Variants in CARS2 observed in about 807,000 individuals in gnomAD.
CARS2 encodes the protein probable cysteine--tRNA ligase, mitochondrial.
Under a neutral mutation model 68.8 loss-of-function variants are expected in CARS2, and 52 were observed. The ratio of observed to expected loss-of-function variants is 0.76; its 90% CI spans 0.61 to 0.95. The LOEUF is 0.95. Ranked by LOEUF, CARS2 falls within the 40% of genes least tolerant of loss-of-function variation. The probability of loss-of-function intolerance (pLI) is 0.00; values close to 1 mark genes in which losing one functional copy is unlikely to be tolerated. For synonymous variants in CARS2, 314 were observed against 303.6 expected (o/e 1.03, Z -0.36); for missense variants, 780 against 754.2 (o/e 1.03, Z -0.40).
At chr13:110,663,610 C>G in intron 8 of CARS2, 92 bp from the exon 9 acceptor site, 2 of 1,552,462 alleles carry the variant, frequency 1.3e-6, no homozygotes, top group Non-Finnish European at 8.7e-7. Flanking sequence ...GAATGGGAAC[C>G]TGCACATATC....
chr13:110,649,667 G>T (rs1325664463), intron 10 of CARS2, among the ~76,000 whole-genome samples: 1 of 152,230 alleles, frequency 6.6e-6, no homozygotes, highest in African/African-American at 2.4e-5. Flanking sequence ...GGACAAGAAG[G>T]GGGAGAGGGA....
intron 3 of CARS2, chr13:110,698,039 C>T (rs1449967264): frequency 2.2e-6 from 1 of 447,774 alleles, no homozygotes; most frequent in Non-Finnish European, 4.5e-6. Flanking sequence ...ATAAACGCCC[C>T]AGCCCAAAGG....
rs761297188 is a variant in CARS2 at position 110,665,932 on chromosome 13, G to A, written c.919+1408C>T. The A allele has an allele frequency of 1.0e-6, 1 of 985,318 alleles. No homozygotes were observed. The highest frequency in any genetic ancestry group is 1.2e-6 in the Non-Finnish European group (1 of 829,876). The allele number at this position is 985,318 out of a possible 1,614,324, so 61.0% of individuals were successfully genotyped here. On this transcript the variant is annotated intron_variant, in intron 8 of 14. Coordinates refer to ENST00000257347, the MANE Select transcript of CARS2 (RefSeq NM_024537.4). The surrounding 1 kb of genome is among the most constrained non-coding windows in gnomAD (Gnocchi z 4.3). ...AATTTCCTGTATTTCAGATGTCAAA[G>A]TTTGCATCTCCAAATCTATCACTAC...
rs1475765813 is a variant in CARS2, at chr13:110,676,130, G to A, written c.785+844C>T. ...GATCGCACCATTGCACTCCAACCTG[G>A]GCAAGAAGAGTGAACCTCCGTCTCA... On this transcript the variant is annotated intron_variant, in intron 7 of 14. Coordinates refer to ENST00000257347, the MANE Select transcript of CARS2 (RefSeq NM_024537.4). This position sits in a 1 kb window ranked among gnomAD's most constrained non-coding sequence, Gnocchi z 4.0. Among the ~76,000 whole-genome samples, 1 of 152,204 alleles carries A rather than the reference G, an allele frequency of 6.6e-6. No individual in the cohort carries two copies. Among genetic ancestry groups the A allele is most frequent in the Admixed American group, 6.5e-5 (1 of 15,278 alleles).
rs1472354055 is a variant in CARS2 at position 110,705,553 on chromosome 13, A to T, written c.243T>A (p.Thr81=). ...GGCCAAGGTGCGCATGATCATATACAGTTGGTCCACAGCTATACCTGGAAA... is the reference window on the plus strand; with the variant it reads ...GGCCAAGGTGCGCATGATCATATACTGTTGGTCCACAGCTATACCTGGAAA... ...EAASWYSCGP[T]VYDHAHLGHA... Residue 81 remains threonine (T), a synonymous_variant, in exon 2 of 15, where the codon ACT becomes ACA. Coordinates refer to ENST00000257347, the MANE Select transcript of CARS2 (RefSeq NM_024537.4). This position sits in a 1 kb window ranked among gnomAD's most constrained non-coding sequence, Gnocchi z 4.0. The T allele has an allele frequency of 6.2e-7, 1 of 1,613,418 alleles. No homozygotes were observed. Among genetic ancestry groups the T allele is most frequent in the Admixed American group, 1.7e-5 (1 of 59,994 alleles).
chr13:110,706,748 A>G (rs893760789), upstream of CARS2, among the ~76,000 whole-genome samples: 2 of 148,578 alleles, frequency 1.3e-5, no homozygotes, highest in Non-Finnish European at 3.0e-5. Flanking sequence ...GTGCACCCCA[A>G]TACACAGTAT....
rs1324031739 is a variant in CARS2 at position 110,641,537 on chromosome 13, T to G, written c.1695A>C (p.Ter565CysextTer37). 6.2e-7 allele frequency: 1 copy of G among 1,612,214 alleles called. No homozygotes were observed. Among genetic ancestry groups the G allele is most frequent in the Admixed American group, 1.7e-5 (1 of 60,028 alleles). Residue 565 changes from the stop codon to cysteine (C), a stop_lost, in exon 15 of 15, where the codon TGA becomes TGC. Coordinates refer to ENST00000257347, the MANE Select transcript of CARS2 (RefSeq NM_024537.4). ...GCAGGTTCATGGCTGTGCTCCATCC[T>G]CAGCCCGCTGATTTTTGGTCTTTTG... The part of the protein sequence containing the change: ...QRTKDQKSAG[*>C]
intron 5 of CARS2, among the ~76,000 whole-genome samples, chr13:110,685,373 G>C (rs997964129): frequency 2.6e-5 from 4 of 151,994 alleles, no homozygotes; most frequent in African/African-American, 9.7e-5. Flanking sequence ...CAAGTAAAAA[G>C]CTACTTCCAT....
At chr13:110,684,325 T>C (rs1404958531) in intron 5 of CARS2, among the ~76,000 whole-genome samples, 1 of 152,124 alleles carries the variant, frequency 6.6e-6, no homozygotes. Flanking sequence ...GCATCAGTAC[T>C]GTCCTTACTG....
At chr13:110,683,021 G>C (rs752177157) in intron 6 of CARS2, 30 bp downstream of exon 6, 3 of 1,548,918 alleles carry the variant, frequency 1.9e-6, no homozygotes, top group African/African-American at 1.4e-5. Flanking sequence ...AGAGGTCAGG[G>C]ACCCACAGGG....
intron 3 of CARS2, among the ~76,000 whole-genome samples, chr13:110,693,793 G>A (rs1458913057): frequency 1.3e-5 from 2 of 152,044 alleles, no homozygotes; most frequent in Non-Finnish European, 2.9e-5. Context: ...CTAAAATGGG[G>A]TCCTAGTCCT....
chr13:110,668,793 C>A lies in CARS2; in HGVS notation c.786-1320G>T, dbSNP rs576733884. ...ATGTTAGTTTCGCTCCTGATCTCTA[C>A]GTTACACCTATTTTAAAATCAGAGA... On this transcript the variant is annotated intron_variant, in intron 7 of 14. Coordinates refer to ENST00000257347, the MANE Select transcript of CARS2 (RefSeq NM_024537.4). The surrounding 1 kb of genome is among the most constrained non-coding windows in gnomAD (Gnocchi z 4.1). Among the ~76,000 whole-genome samples, 5 of 152,190 alleles carry A rather than the reference C, an allele frequency of 3.3e-5. No individual in the cohort carries two copies. Among genetic ancestry groups the A allele is most frequent in the Non-Finnish European group, 7.3e-5 (5 of 68,038 alleles).
intron 13 of CARS2, 158 bp from the exon 14 acceptor site, chr13:110,642,679 A>G (rs1297957330): frequency 2.5e-6 from 2 of 796,176 alleles, no homozygotes; most frequent in Admixed American, 1.7e-5. Context: ...AGGGATGGGT[A>G]CAGCCCGCGA....
At chr13:110,695,205 TG>T (rs1399589246) in intron 3 of CARS2, among the ~76,000 whole-genome samples, 3 of 152,050 alleles carry the variant, frequency 2.0e-5, no homozygotes, top group East Asian at 3.8e-4. Context: ...TCCCTGAGCC[TG>T]GGAGGGTGAG....
chr13:110,682,305 C>A (rs953264152), intron 6 of CARS2, among the ~76,000 whole-genome samples: 1 of 152,254 alleles, frequency 6.6e-6, no homozygotes, highest in Admixed American at 6.5e-5. Flanking sequence ...ACACGGCCTG[C>A]TGGTAGCCAC....
At position 110,641,547 on chromosome 13, in the gene CARS2, G is replaced by C. The variant is rs1229833841; in HGVS notation, c.1685C>G (p.Ser562Ter). 6.2e-7 allele frequency: 1 copy of C among 1,613,118 alleles called. No homozygotes were observed. The highest frequency in any genetic ancestry group is 1.3e-5 in the African/African-American group (1 of 74,928). The change falls in exon 15 of 15, where the codon TCA becomes TGA. Residue 562 changes from serine to a stop codon, truncating the protein, a stop_gained. Coordinates refer to ENST00000257347, the MANE Select transcript of CARS2 (RefSeq NM_024537.4). LOFTEE classifies it high-confidence loss of function. The part of the protein sequence containing the change: ...LLDQRTKDQK[S>*]AG The stretch of plus-strand genomic sequence containing the variant: ...GGCTGTGCTCCATCCTCAGCCCGCT[G>C]ATTTTTGGTCTTTTGTCCTTTGATC...
chr13:110,713,382 TCCCAGCGGGCGTGCTGTGCCG>T, exon 1 of CARS2: 2 of 1,042,562 alleles, frequency 1.9e-6, no homozygotes, highest in Non-Finnish European at 2.3e-6. Flanking sequence ...CCCCTGCGTT[TCCCAGCGGGCGTGCTGTGCCG>T]CCCAACAGGC....
At chr13:110,689,751 T>C (rs547167676) in intron 3 of CARS2, among the ~76,000 whole-genome samples, 1 of 152,296 alleles carries the variant, frequency 6.6e-6, no homozygotes, top group African/African-American at 2.4e-5. Flanking sequence ...GGTACTCCAA[T>C]ACACTTCAGC....
chr13:110,650,854 G>T (rs2062189716), intron 10 of CARS2, 180 bp downstream of exon 10: 2 of 559,318 alleles, frequency 3.6e-6, no homozygotes, highest in East Asian at 3.2e-5. Context: ...GCCGGGCCCA[G>T]ACCAGCACTG....
Sources: allele counts gnomAD v4.1 joint callset (sites outside exome capture counted in the v4.1 genomes callset), GRCh38; gene constraint gnomAD v4.1.1; non-coding constraint Gnocchi (gnomAD v3.1); transcripts MANE v1.5; gene names NCBI Gene and HGNC (gene_info 2026-07-23, HGNC 2026-07-21).